AFTPH: variants seen among roughly 807,000 people sequenced by gnomAD.
AFTPH encodes aftiphilin.
Under a neutral mutation model 72.5 loss-of-function variants are expected in AFTPH, and 7 were observed. The observed-to-expected ratio is 0.10, with a 90% CI of 0.05 to 0.18. The LOEUF is 0.18. AFTPH is among the 10% of genes least tolerant of loss of function. The probability of loss-of-function intolerance (pLI) is 1.00; values close to 1 mark genes in which losing one functional copy is unlikely to be tolerated. For missense variants in AFTPH, 979 were observed against 1,060.5 expected (o/e 0.92, Z 1.07); for synonymous variants, 337 against 370.1 (o/e 0.91, Z 1.03).
intron 1 of AFTPH, among the ~76,000 whole-genome samples, chr2:64,539,260 G>C (rs1450878098): frequency 6.6e-6 from 1 of 152,168 alleles, no homozygotes; most frequent in Non-Finnish European, 1.5e-5. Context: ...GTAGCATTAT[G>C]CTCTGGCGAC....
intron 2 of AFTPH, among the ~76,000 whole-genome samples, chr2:64,556,461 A>G (rs1464181890): frequency 1.3e-5 from 2 of 152,226 alleles, no homozygotes; most frequent in African/African-American, 4.8e-5. Flanking sequence ...AGCTTAATTA[A>G]ACAAACATGG....
intron 1 of AFTPH, among the ~76,000 whole-genome samples, chr2:64,525,852 C>T (rs557774898): frequency 3.5e-4 from 53 of 152,102 alleles, no homozygotes; most frequent in Non-Finnish European, 7.2e-4. Flanking sequence ...GTGGTAGTCT[C>T]CTAAATTTTG....
intron 3 of AFTPH, 24 bp downstream of exon 3, chr2:64,567,737 T>C: frequency 6.3e-7 from 1 of 1,588,036 alleles, no homozygotes; most frequent in Non-Finnish European, 8.6e-7. Context: ...TGTTTTTAGA[T>C]AGCATGTGTT....
At chr2:64,532,781 G>A (rs1160855631) in intron 1 of AFTPH, among the ~76,000 whole-genome samples, 1 of 152,100 alleles carries the variant, frequency 6.6e-6, no homozygotes, top group Non-Finnish European at 1.5e-5. Context: ...ATTAATAAAA[G>A]CCTTAGGTAG....
chr2:64,586,926 T>G (rs1673554280), intron 8 of AFTPH, among the ~76,000 whole-genome samples: 1 of 152,284 alleles, frequency 6.6e-6, no homozygotes, highest in Non-Finnish European at 1.5e-5. Context: ...CTTTTATTGT[T>G]TGGGTTTCCC....
At chr2:64,560,950 T>C (rs1006831507) in intron 2 of AFTPH, among the ~76,000 whole-genome samples, 1 of 152,226 alleles carries the variant, frequency 6.6e-6, no homozygotes, top group African/African-American at 2.4e-5. Flanking sequence ...TGGCTCTTGT[T>C]AGTATACTCA....
At chr2:64,553,954 C>G (rs915656818) in intron 2 of AFTPH, among the ~76,000 whole-genome samples, 2 of 151,812 alleles carry the variant, frequency 1.3e-5, no homozygotes, top group East Asian at 3.9e-4. Flanking sequence ...AATTGAAGAA[C>G]AGAAAAACAA....
chr2:64,544,137 A>G lies in AFTPH; in HGVS notation c.-32-7306A>G, dbSNP rs115713567. Among the ~76,000 whole-genome samples, 795 of 152,178 alleles carry G rather than the reference A, an allele frequency of 5.2e-3. 9 individuals are homozygous for G. Among genetic ancestry groups the G allele is most frequent in the African/African-American group, 0.018 (762 of 41,512 alleles). On this transcript the variant is annotated intron_variant, in intron 1 of 8. Transcript: ENST00000238856. ...GCCCTGAAAGTCGGCTTCAGTTTGC[A>G]CTTCTATTAATTATTTTTATTCACC...
At chr2:64,569,263 A>G in intron 4 of AFTPH, 45 bp downstream of exon 4, 1 of 1,565,342 alleles carries the variant, frequency 6.4e-7, no homozygotes, top group Non-Finnish European at 8.7e-7. Flanking sequence ...CAACCTGTGG[A>G]TGTTTTAAAA....
chr2:64,525,811 G>T (rs1198420714), intron 1 of AFTPH, among the ~76,000 whole-genome samples: 2 of 152,072 alleles, frequency 1.3e-5, no homozygotes, highest in Non-Finnish European at 2.9e-5. Context: ...TTAACACTTC[G>T]CAGAGGTATA....
intron 2 of AFTPH, among the ~76,000 whole-genome samples, chr2:64,558,426 T>G (rs555295398): frequency 3.7e-4 from 57 of 152,290 alleles, no homozygotes; most frequent in Middle Eastern, 3.4e-3. Context: ...AACCTCTAAA[T>G]AAAGACACAA....
At chr2:64,537,656 A>C (rs1669969530) in intron 1 of AFTPH, among the ~76,000 whole-genome samples, 1 of 152,160 alleles carries the variant, frequency 6.6e-6, no homozygotes. Context: ...TTCCAGTTTT[A>C]TGTTATGTTT....
chr2:64,552,480 A>G, exon 2 of AFTPH: 7 of 1,614,050 alleles, frequency 4.3e-6, no homozygotes, highest in Non-Finnish European at 5.9e-6. Flanking sequence ...AAAGGCTTGG[A>G]GTTTGGTAGA....
intron 1 of AFTPH, among the ~76,000 whole-genome samples, chr2:64,531,899 G>GA (rs1045804855): frequency 1.3e-5 from 2 of 151,976 alleles, no homozygotes; most frequent in African/African-American, 2.4e-5. Context: ...TTTATTTAGA[G>GA]AAAAAATATA....
At chr2:64,534,092 T>C (rs1669764548) in intron 1 of AFTPH, among the ~76,000 whole-genome samples, 1 of 151,684 alleles carries the variant, frequency 6.6e-6, no homozygotes, top group African/African-American at 2.4e-5. Flanking sequence ...TGTTTTCTTC[T>C]TGGTGATTGC....
chr2:64,575,882 GCACA>G (rs1467580510), intron 6 of AFTPH, among the ~76,000 whole-genome samples: 1 of 151,632 alleles, frequency 6.6e-6, no homozygotes, highest in Non-Finnish European at 1.5e-5. Context: ...GGGACTACAG[GCACA>G]CACCACACCA....
chr2:64,570,672 C>T (rs923135943), intron 5 of AFTPH, among the ~76,000 whole-genome samples: 5 of 151,982 alleles, frequency 3.3e-5, no homozygotes, highest in Non-Finnish European at 7.4e-5. Context: ...TTCTCTTTTT[C>T]TCAAGGAGTA....
intron 7 of AFTPH, among the ~76,000 whole-genome samples, chr2:64,583,455 C>CT (rs918313011): frequency 1.4e-4 from 21 of 149,658 alleles, no homozygotes; most frequent in African/African-American, 4.4e-4. Context: ...ATTTTGTTGT[C>CT]TTTTTTTTTA....
chr2:64,552,249 C>A, exon 2 of AFTPH: 1 of 1,613,964 alleles, frequency 6.2e-7, no homozygotes. Flanking sequence ...TAGAGAAGCA[C>A]TAACCATTCG....
Sources: gnomAD v4.1 joint callset for allele counts (sites outside exome capture counted in the v4.1 genomes callset) on GRCh38, gnomAD v4.1.1 for gene constraint, MANE v1.5 for transcripts, NCBI Gene and HGNC (gene_info 2026-07-23, HGNC 2026-07-21) for gene names.